Variants in UGT2B11 observed in about 807,000 individuals in gnomAD.
The protein encoded by UGT2B11 is UDP glucuronosyltransferase family 2 member B11.
UGT2B11 carries 49 observed loss-of-function variants against 51.7 expected under a neutral mutation model. That is an observed-to-expected ratio of 0.95 (90% CI 0.75 to 1.20). The LOEUF (loss-of-function observed/expected upper bound fraction) is 1.20. Among genes scored for constraint, UGT2B11 ranks in the 50% most tolerant of loss-of-function variants. The pLI is 0.00. For missense variants in UGT2B11, 810 were observed against 622.1 expected, an observed-to-expected ratio of 1.30 and a Z score of -3.21; for synonymous variants, 273 against 209.0, an observed-to-expected ratio of 1.31 and a Z score of -2.64.
At chr4:69,217,423 T>A (rs1383089151), upstream of UGT2B11, among the ~76,000 whole-genome samples, 2 of 152,134 alleles carry the variant, frequency 1.3e-5, no homozygotes, top group African/African-American at 2.4e-5. Context: ...AGAGTGGCAA[T>A]ATTGTTCAAT....
chr4:69,203,765 G>A (rs978308513), intron 5 of UGT2B11, among the ~76,000 whole-genome samples: 2 of 151,696 alleles, frequency 1.3e-5, no homozygotes, highest in African/African-American at 2.4e-5. Context: ...GAGACTGTAT[G>A]ATTCCATTTA....
intron 3 of UGT2B11, chr4:69,205,776 C>T (rs1301692775): frequency 8.2e-5 from 42 of 514,338 alleles, no homozygotes; most frequent in Non-Finnish European, 1.1e-4. Flanking sequence ...AAAACAGTAC[C>T]ATAGAAAAAT....
intron 3 of UGT2B11, among the ~76,000 whole-genome samples, chr4:69,207,650 C>A (rs924309880): frequency 1.3e-5 from 2 of 151,530 alleles, no homozygotes; most frequent in African/African-American, 4.8e-5. Flanking sequence ...GGTCAGGATC[C>A]ATCTCCATCC....
intron 2 of UGT2B11, among the ~76,000 whole-genome samples, chr4:69,210,835 A>T (rs937201351): frequency 6.6e-6 from 1 of 151,652 alleles, no homozygotes; most frequent in African/African-American, 2.4e-5. Flanking sequence ...TTCTTTTAAG[A>T]GGTTGCATAA....
the UGT2B11 span, among the ~76,000 whole-genome samples, chr4:69,222,254 TAA>T: frequency 6.6e-6 from 1 of 152,280 alleles, no homozygotes; most frequent in Non-Finnish European, 1.5e-5. Flanking sequence ...GATTGGGTGA[TAA>T]GTTTATCCTT....
Position 69,204,726 on chromosome 4 carries a change from A to C in UGT2B11, c.1091-77T>G, listed in dbSNP as rs1023701485. Reference sequence around the variant, plus strand: ...CACAATGAAAGGTTCTGAAAGTGACAGTGTTTTCTAGATAACACATTGAAC... The same window carrying C: ...CACAATGAAAGGTTCTGAAAGTGACCGTGTTTTCTAGATAACACATTGAAC... On this transcript the variant is annotated intron_variant, in intron 4 of 5. Transcript: ENST00000446444. The C allele has an allele frequency of 8.7e-6, 14 of 1,600,802 alleles. No individual in the cohort carries two copies. In the African/African-American group the frequency reaches 1.8e-4, roughly 20 times the overall value.
At chr4:69,217,121 T>C (rs1722294459), upstream of UGT2B11, among the ~76,000 whole-genome samples, 1 of 152,172 alleles carries the variant, frequency 6.6e-6, no homozygotes. Flanking sequence ...TTACAATATT[T>C]TATTTTTCTG....
the UGT2B11 span, among the ~76,000 whole-genome samples, chr4:69,220,406 A>T: frequency 1.3e-5 from 2 of 151,442 alleles, no homozygotes; most frequent in African/African-American, 4.9e-5. Context: ...CCCACTTCTC[A>T]CGGCTCCACT....
upstream of UGT2B11, chr4:69,214,840 A>G: frequency 6.8e-7 from 1 of 1,469,418 alleles, no homozygotes; most frequent in Non-Finnish European, 9.1e-7. Context: ...ATATTATAGG[A>G]GCATCCTGAG....
Position 69,207,858 on chromosome 4 carries a change from A to C in UGT2B11, c.1002+493T>G, listed in dbSNP as rs190584952. Among the ~76,000 whole-genome samples, 5 of 151,718 alleles carry C rather than the reference A, an allele frequency of 3.3e-5. No homozygotes were observed. The East Asian group carries it at 9.8e-4, about 30-fold the overall frequency. ...CTTCTTCACTCATTGGATACTGCTG[A>C]GATTAGCAAAACAGCTTTGAAGAAA... On this transcript the variant is annotated intron_variant, in intron 3 of 5. Transcript: ENST00000446444.
At chr4:69,207,136 C>T (rs1007563834) in intron 3 of UGT2B11, among the ~76,000 whole-genome samples, 1 of 151,490 alleles carries the variant, frequency 6.6e-6, no homozygotes, top group Non-Finnish European at 1.5e-5. Context: ...AATGAATAAA[C>T]TCAAAATTGT....
At chr4:69,219,124 C>T (rs1722345655), upstream of UGT2B11, among the ~76,000 whole-genome samples, 1 of 151,862 alleles carries the variant, frequency 6.6e-6, no homozygotes, top group Non-Finnish European at 1.5e-5. Flanking sequence ...ATTTTCTCTC[C>T]AAAGATCTGT....
At chr4:69,220,018 A>T in the UGT2B11 span, among the ~76,000 whole-genome samples, 6 of 152,200 alleles carry the variant, frequency 3.9e-5, no homozygotes, top group African/African-American at 7.2e-5. Flanking sequence ...TGAGCCTAAA[A>T]AACAAAAGCA....
chr4:69,204,275 T>A, intron 5 of UGT2B11, 155 bp downstream of exon 5: 1 of 1,231,602 alleles, frequency 8.1e-7, no homozygotes, highest in East Asian at 2.6e-5. Flanking sequence ...AATTTTTAAA[T>A]AATAGATGAT....
Position 69,212,617 on chromosome 4 carries a change from A to C in UGT2B11, c.826T>G (p.Phe276Val). 6.2e-7 allele frequency: 1 copy of C among 1,609,752 alleles called. No individual in the cohort carries two copies. The highest frequency in any genetic ancestry group is 1.1e-5 in the South Asian group (1 of 90,686). ...FPHPFLPNVD[F>V]VGGFHCKPAK... The stretch of plus-strand genomic sequence containing the variant: ...GGTTTGCAGTGGAATCCTCCAACAA[A>C]ATCAACGTTTGGTAAGAATGGATGA... The change falls in exon 2 of 6, where the codon TTT becomes GTT. Residue 276 changes from phenylalanine to valine, a missense_variant. By Grantham distance (50) the Phe-to-Val change is conservative. Transcript: ENST00000446444.
chr4:69,212,312 G>A (rs1225239793), intron 2 of UGT2B11, among the ~76,000 whole-genome samples: 1 of 151,362 alleles, frequency 6.6e-6, no homozygotes, highest in East Asian at 2.0e-4. Context: ...ACCTTCTTAG[G>A]TGTTGCATAA....
At chr4:69,220,345 A>G in the UGT2B11 span, among the ~76,000 whole-genome samples, 1 of 151,892 alleles carries the variant, frequency 6.6e-6, no homozygotes, top group South Asian at 2.1e-4. Flanking sequence ...TTCCAGTTGC[A>G]TGGTCTAAAC....
chr4:69,205,646 G>A (rs1721824809), intron 3 of UGT2B11, 79 bp from the exon 4 acceptor site: 2 of 1,476,322 alleles, frequency 1.4e-6, no homozygotes, highest in Non-Finnish European at 1.9e-6. Context: ...GAAAGCATAG[G>A]AATGAGATCA....
At chr4:69,224,044 G>A in the UGT2B11 span, among the ~76,000 whole-genome samples, 1 of 152,144 alleles carries the variant, frequency 6.6e-6, no homozygotes, top group Non-Finnish European at 1.5e-5. Context: ...CTATGGTGGG[G>A]AACTGGCCCT....
Sources: allele counts gnomAD v4.1 joint callset (sites outside exome capture counted in the v4.1 genomes callset), GRCh38; gene constraint gnomAD v4.1.1; transcripts MANE v1.5; gene names NCBI Gene and HGNC (gene_info 2026-07-23, HGNC 2026-07-21).